Variants in STK32B observed in about 807,000 individuals in gnomAD.
STK32B encodes serine/threonine-protein kinase 32B.
A neutral mutation model predicts 52.6 loss-of-function variants in STK32B; 43 were observed. The observed-to-expected ratio is 0.82, with a 90% CI of 0.64 to 1.05. STK32B has a LOEUF of 1.05. Among genes scored for constraint, STK32B ranks in the 50% least tolerant of loss-of-function variants. The pLI is 0.00. For synonymous variants in STK32B, 238 were observed against 204.3 expected (o/e 1.17, Z -1.41); for missense variants, 621 against 534.6 (o/e 1.16, Z -1.59).
chr4:5,440,513 A>G (rs535816950), intron 6 of STK32B, among the ~76,000 whole-genome samples: 1,539 of 152,282 alleles, frequency 0.01, 32 homozygotes, highest in African/African-American at 0.034. Flanking sequence ...GGCTGAGACA[A>G]TGGGGTTTTC....
At chr4:5,085,914 C>T (rs184058130) in intron 1 of STK32B, among the ~76,000 whole-genome samples, 36 of 152,220 alleles carry the variant, frequency 2.4e-4, no homozygotes, top group Admixed American at 1.8e-3. Flanking sequence ...TATAATTACT[C>T]GGTATGTTTG....
At chr4:5,368,788 G>A (rs1282101820) in intron 4 of STK32B, among the ~76,000 whole-genome samples, 2 of 152,172 alleles carry the variant, frequency 1.3e-5, no homozygotes, top group East Asian at 3.9e-4. Context: ...GTGTCCTCTT[G>A]CCTGGGGACA....
intron 4 of STK32B, among the ~76,000 whole-genome samples, chr4:5,354,705 T>C (rs1734061764): frequency 6.6e-6 from 1 of 152,230 alleles, no homozygotes; most frequent in Non-Finnish European, 1.5e-5. Context: ...ATACTTCATA[T>C]TTCTCATAGA....
intron 3 of STK32B, among the ~76,000 whole-genome samples, chr4:5,189,027 GA>G (rs80335058): frequency 6.9e-6 from 1 of 144,976 alleles, no homozygotes; most frequent in Non-Finnish European, 1.5e-5. Flanking sequence ...AAAAAAAAAA[GA>G]AAAACAGATG....
rs140274399 is a variant in STK32B at position 5,247,048 on chromosome 4, C to T, written c.260+78598C>T. 2.6e-3 allele frequency among the ~76,000 whole-genome samples: 393 copies of T among 152,312 alleles called. 13 individuals are homozygous for T. The East Asian group carries it at 0.061, about 24-fold the overall frequency. On this transcript the variant is annotated intron_variant, in intron 3 of 11. Coordinates refer to ENST00000282908, the MANE Select transcript of STK32B (RefSeq NM_018401.3). Reference sequence around the variant, plus strand: ...GACCCACTTGAGGAGGTGGTCTGCCCGTTCTCAGATCTCAAGCTGCATGCT... The same window carrying T: ...GACCCACTTGAGGAGGTGGTCTGCCTGTTCTCAGATCTCAAGCTGCATGCT...
intron 1 of STK32B, among the ~76,000 whole-genome samples, chr4:5,113,924 C>G (rs937577911): frequency 7.3e-6 from 1 of 136,228 alleles, no homozygotes; most frequent in Non-Finnish European, 1.6e-5. Flanking sequence ...GCAGGGAAAC[C>G]CGCCCCCCTT....
At chr4:5,230,671 A>T (rs1410621381) in intron 3 of STK32B, among the ~76,000 whole-genome samples, 1 of 152,222 alleles carries the variant, frequency 6.6e-6, no homozygotes, top group East Asian at 1.9e-4. Flanking sequence ...GAGTGCTGAT[A>T]TTACCACACT....
At chr4:5,209,474 C>T (rs1391637421) in intron 3 of STK32B, among the ~76,000 whole-genome samples, 2 of 152,178 alleles carry the variant, frequency 1.3e-5, no homozygotes, top group Non-Finnish European at 2.9e-5. Context: ...TCTTCCTACC[C>T]TGGTCTCCCA....
intron 3 of STK32B, among the ~76,000 whole-genome samples, chr4:5,191,862 A>T (rs1015814490): frequency 1.3e-5 from 2 of 152,212 alleles, no homozygotes; most frequent in Non-Finnish European, 2.9e-5. Context: ...AAAATGTCCT[A>T]TTCCAAATCC....
intron 2 of STK32B, among the ~76,000 whole-genome samples, chr4:5,166,547 G>A (rs552942945): frequency 4.7e-5 from 7 of 150,098 alleles, no homozygotes; most frequent in East Asian, 2.0e-4. Flanking sequence ...ACACAGAGAC[G>A]TAGGGGAGGA....
intron 6 of STK32B, among the ~76,000 whole-genome samples, chr4:5,428,233 C>T (rs1713261454): frequency 6.6e-6 from 1 of 151,926 alleles, no homozygotes; most frequent in South Asian, 2.1e-4. Context: ...CAGTGAAACC[C>T]CGTCTCTACT....
chr4:5,126,788 G>T (rs575086416), intron 1 of STK32B, among the ~76,000 whole-genome samples: 1 of 152,072 alleles, frequency 6.6e-6, no homozygotes, highest in African/African-American at 2.4e-5. Context: ...ATGATTCGAC[G>T]GGCAGCTCTG....
chr4:5,060,109 G>A (rs537739857), intron 1 of STK32B, among the ~76,000 whole-genome samples: 3 of 152,138 alleles, frequency 2.0e-5, no homozygotes, highest in Admixed American at 6.5e-5. Flanking sequence ...TGGGATTACA[G>A]GCATGTGCCC....
At chr4:5,327,770 C>T (rs1731974118) in intron 3 of STK32B, among the ~76,000 whole-genome samples, 1 of 152,156 alleles carries the variant, frequency 6.6e-6, no homozygotes, top group Non-Finnish European at 1.5e-5. Context: ...AACAAGAGAG[C>T]CTCCCTAGTG....
At chr4:5,090,590 C>G (rs1713022592) in intron 1 of STK32B, among the ~76,000 whole-genome samples, 1 of 152,088 alleles carries the variant, frequency 6.6e-6, no homozygotes, top group Non-Finnish European at 1.5e-5. Flanking sequence ...GTCTCGATCT[C>G]CTGACCTCGT....
chr4:5,033,740 A>C, the STK32B span, among the ~76,000 whole-genome samples: 3 of 152,164 alleles, frequency 2.0e-5, no homozygotes, highest in Non-Finnish European at 4.4e-5. Context: ...GGGAGATGAG[A>C]AGAAAACCTC....
At chr4:5,480,631 T>G (rs892892240) in intron 11 of STK32B, among the ~76,000 whole-genome samples, 2 of 152,132 alleles carry the variant, frequency 1.3e-5, no homozygotes, top group African/African-American at 4.8e-5. Context: ...GTGCACAACG[T>G]GCAGGTTAGT....
intron 3 of STK32B, among the ~76,000 whole-genome samples, chr4:5,190,703 C>G (rs1721120856): frequency 6.6e-6 from 1 of 152,148 alleles, no homozygotes; most frequent in African/African-American, 2.4e-5. Context: ...AATAAGGATG[C>G]TCACAGGAAA....
At chr4:5,096,030 C>A (rs1713370520) in intron 1 of STK32B, among the ~76,000 whole-genome samples, 1 of 152,172 alleles carries the variant, frequency 6.6e-6, no homozygotes, top group African/African-American at 2.4e-5. Flanking sequence ...TGAAGATTTT[C>A]ATTGTCTTCT....
Sources: gnomAD v4.1 joint callset for allele counts (sites outside exome capture counted in the v4.1 genomes callset) on GRCh38, gnomAD v4.1.1 for gene constraint, MANE v1.5 for transcripts, NCBI Gene and HGNC (gene_info 2026-07-23, HGNC 2026-07-21) for gene names.